Variants in ENTREP2 observed in about 807,000 individuals in gnomAD.
ENTREP2 encodes protein ENTREP2.
At chr15:29,295,764 A>G in the ENTREP2 span, among the ~76,000 whole-genome samples, 4,165 of 152,232 alleles carry the variant, frequency 0.027, 203 homozygotes, top group African/African-American at 0.095. Flanking sequence ...GAGTGTGGAC[A>G]GCCTGGAGAC....
At chr15:29,444,012 G>A in the ENTREP2 span, among the ~76,000 whole-genome samples, 3 of 152,122 alleles carry the variant, frequency 2.0e-5, no homozygotes, top group African/African-American at 4.8e-5. Flanking sequence ...GCTGAGGCAG[G>A]AGAATGGCGT....
At chr15:29,288,747 TATG>T in the ENTREP2 span, among the ~76,000 whole-genome samples, 1 of 152,170 alleles carries the variant, frequency 6.6e-6, no homozygotes, top group Non-Finnish European at 1.5e-5. Context: ...AAGTACTCTC[TATG>T]ATGTCTACAC....
the ENTREP2 span, among the ~76,000 whole-genome samples, chr15:29,401,587 G>C: frequency 1.3e-5 from 2 of 152,196 alleles, no homozygotes; most frequent in East Asian, 3.9e-4. Flanking sequence ...CCTTCCTTGG[G>C]AACAATTTCA....
chr15:29,124,859 G>A, the ENTREP2 span: 26 of 1,048,420 alleles, frequency 2.5e-5, no homozygotes, highest in Non-Finnish European at 3.4e-5. Context: ...TTTAGATGGC[G>A]AGCAAGCAGG....
chr15:29,511,697 G>A, the ENTREP2 span, among the ~76,000 whole-genome samples: 1 of 151,252 alleles, frequency 6.6e-6, no homozygotes, highest in African/African-American at 2.4e-5. Context: ...GCTTCTGAAT[G>A]ATAAAAACTG....
chr15:29,355,928 G>A, the ENTREP2 span, among the ~76,000 whole-genome samples: 1 of 151,902 alleles, frequency 6.6e-6, no homozygotes, highest in African/African-American at 2.4e-5. Flanking sequence ...AAATGTGAAG[G>A]GGGTTTTAGA....
chr15:29,620,393 T>TGCACCTGGGCTGTGAAGCTTGTG, the ENTREP2 span, among the ~76,000 whole-genome samples: 1 of 152,086 alleles, frequency 6.6e-6, no homozygotes, highest in Non-Finnish European at 1.5e-5. Flanking sequence ...TCAGGGACAG[T>TGCACCTGGGCTGTGAAGCTTGTG]GCACCTGGGC....
the ENTREP2 span, among the ~76,000 whole-genome samples, chr15:29,136,203 A>C: frequency 1.2e-4 from 18 of 152,182 alleles, no homozygotes; most frequent in Non-Finnish European, 2.4e-4. Flanking sequence ...AGGCTTCAAG[A>C]GAGATGAATG....
At chr15:29,466,273 T>A in the ENTREP2 span, among the ~76,000 whole-genome samples, 1 of 152,194 alleles carries the variant, frequency 6.6e-6, no homozygotes, top group Non-Finnish European at 1.5e-5. Flanking sequence ...CAATGATGTC[T>A]GCTTTATGTT....
the ENTREP2 span, among the ~76,000 whole-genome samples, chr15:29,674,138 G>GGGGA: frequency 6.7e-6 from 1 of 149,880 alleles, no homozygotes; most frequent in African/African-American, 2.5e-5. Flanking sequence ...TGGGGGGGGG[G>GGGGA]GGGGGCTTTG....
the ENTREP2 span, among the ~76,000 whole-genome samples, chr15:29,553,113 T>C: frequency 0.35 from 53,186 of 152,098 alleles, 9,419 homozygotes; most frequent in East Asian, 0.41. Flanking sequence ...CTAGCCAGCA[T>C]GGCGAAACCC....
the ENTREP2 span, among the ~76,000 whole-genome samples, chr15:29,444,766 G>T: frequency 6.6e-6 from 1 of 152,180 alleles, no homozygotes; most frequent in African/African-American, 2.4e-5. Context: ...CACCTGGCCG[G>T]CAGATTTCAT....
At chr15:29,494,430 T>G in the ENTREP2 span, among the ~76,000 whole-genome samples, 1 of 152,194 alleles carries the variant, frequency 6.6e-6, no homozygotes, top group African/African-American at 2.4e-5. Context: ...GTGAACAACA[T>G]AAGTTGATAC....
chr15:29,385,985 C>A, the ENTREP2 span, among the ~76,000 whole-genome samples: 1 of 151,728 alleles, frequency 6.6e-6, no homozygotes, highest in Non-Finnish European at 1.5e-5. Context: ...TGGTCGAGGG[C>A]AGTCGGAGGA....
chr15:29,398,962 G>T, the ENTREP2 span, among the ~76,000 whole-genome samples: 4 of 152,184 alleles, frequency 2.6e-5, no homozygotes, highest in Non-Finnish European at 4.4e-5. Context: ...TCTCTTGGGT[G>T]TGCCTGACCT....
chr15:29,446,924 C>T, the ENTREP2 span, among the ~76,000 whole-genome samples: 2 of 152,170 alleles, frequency 1.3e-5, no homozygotes, highest in African/African-American at 4.8e-5. Flanking sequence ...CTCCCTCTTC[C>T]ACTTATGGGA....
chr15:29,517,488 T>C, the ENTREP2 span, among the ~76,000 whole-genome samples: 1 of 152,242 alleles, frequency 6.6e-6, no homozygotes, highest in Non-Finnish European at 1.5e-5. Flanking sequence ...CCTGCACTAA[T>C]GTCCTCTGCG....
the ENTREP2 span, among the ~76,000 whole-genome samples, chr15:29,324,299 C>G: frequency 4.6e-5 from 7 of 152,078 alleles, no homozygotes; most frequent in African/African-American, 1.4e-4. Context: ...AGAGCCTGGT[C>G]TTGAACTCTT....
At chr15:29,298,221 T>C in the ENTREP2 span, among the ~76,000 whole-genome samples, 18,474 of 152,132 alleles carry the variant, frequency 0.12, 1,510 homozygotes, top group African/African-American at 0.24. Context: ...TTAAAACTAA[T>C]AGGATACAAG....
Sources: allele counts gnomAD v4.1 joint callset (sites outside exome capture counted in the v4.1 genomes callset), GRCh38; gene constraint gnomAD v4.1.1; transcripts MANE v1.5; gene names NCBI Gene and HGNC (gene_info 2026-07-23, HGNC 2026-07-21).